ZC3H4: variants seen among roughly 807,000 people sequenced by gnomAD.
ZC3H4 encodes zinc finger CCCH domain-containing protein 4.
Under a neutral mutation model 108.3 loss-of-function variants are expected in ZC3H4, and 13 were observed. That is an observed-to-expected ratio of 0.12 (90% CI 0.08 to 0.19). The LOEUF (loss-of-function observed/expected upper bound fraction) is 0.19, where lower values mean the gene tolerates loss of function less well. Ranked by LOEUF, ZC3H4 falls within the 10% of genes least tolerant of loss-of-function variation. The pLI, the probability that ZC3H4 is intolerant of heterozygous loss-of-function variation, is 1.00. For missense variants in ZC3H4, 1,734 were observed against 1,838.8 expected (o/e 0.94, Z 1.04); for synonymous variants, 917 against 749.6 (o/e 1.22, Z -3.65).
At chr19:47,091,396 C>A (rs1272898321) in intron 4 of ZC3H4, among the ~76,000 whole-genome samples, 4 of 151,728 alleles carry the variant, frequency 2.6e-5, no homozygotes, top group Non-Finnish European at 4.4e-5. Context: ...CATGGTGAAA[C>A]CCAGTCTCTA....
chr19:47,066,304 C>A lies in ZC3H4; in HGVS notation c.*52G>T. ...CCCAAGTTCCCTACCCTGGGTGCTG[C>A]CCTGAATGCCACCCTAGGAAGGGTG... On this transcript the variant is annotated 3_prime_UTR_variant, in exon 15 of 15. Coordinates refer to ENST00000253048, the MANE Select transcript of ZC3H4 (RefSeq NM_015168.2). 2 of 1,437,418 alleles carry A rather than the reference C, an allele frequency of 1.4e-6. No homozygotes were observed. The highest frequency in any genetic ancestry group is 5.0e-5 in the East Asian group (2 of 39,704). The allele number at this position is 1,437,418 out of a possible 1,614,324, so 89.0% of individuals were successfully genotyped here.
At chr19:47,099,908 G>C (rs1600101265) in intron 2 of ZC3H4, among the ~76,000 whole-genome samples, 1 of 151,092 alleles carries the variant, frequency 6.6e-6, no homozygotes, top group Admixed American at 6.6e-5. Context: ...AAGATCATGA[G>C]AGCCCTTGAT....
chr19:47,096,340 C>T (rs1329272618), intron 2 of ZC3H4, among the ~76,000 whole-genome samples: 1 of 152,194 alleles, frequency 6.6e-6, no homozygotes, highest in South Asian at 2.1e-4. Flanking sequence ...TGGAATGGGG[C>T]GGGGGTGCAG....
At chr19:47,097,336 C>T (rs17716478) in intron 2 of ZC3H4, among the ~76,000 whole-genome samples, 7,989 of 152,240 alleles carry the variant, frequency 0.052, 278 homozygotes, top group Non-Finnish European at 0.077. Context: ...AAACTGCTGA[C>T]GGTTGATAAA....
chr19:47,098,639 C>T (rs1317508160), intron 2 of ZC3H4, among the ~76,000 whole-genome samples: 1 of 152,110 alleles, frequency 6.6e-6, no homozygotes, highest in African/African-American at 2.4e-5. Context: ...TGGTGGGTGC[C>T]TGTAGCCCCA....
chr19:47,102,114 G>T (rs567458721), intron 2 of ZC3H4, among the ~76,000 whole-genome samples: 1 of 152,318 alleles, frequency 6.6e-6, no homozygotes, highest in African/African-American at 2.4e-5. Context: ...TCCCCAAGCA[G>T]TTATTTAATA....
At chr19:47,085,621 G>T (rs2057606094) in intron 6 of ZC3H4, among the ~76,000 whole-genome samples, 1 of 152,160 alleles carries the variant, frequency 6.6e-6, no homozygotes, top group Admixed American at 6.5e-5. Context: ...GGCAAACCCA[G>T]CATGGAGCCT....
intron 11 of ZC3H4, among the ~76,000 whole-genome samples, chr19:47,076,345 A>T (rs1278504614): frequency 5.6e-5 from 8 of 142,416 alleles, no homozygotes; most frequent in South Asian, 2.2e-4. Context: ...ACACACACAC[A>T]CTCACACTCT....
intron 2 of ZC3H4, chr19:47,097,036 G>C: frequency 1.0e-6 from 1 of 976,248 alleles, no homozygotes; most frequent in Non-Finnish European, 1.2e-6. Flanking sequence ...AACACCTGCG[G>C]GCAGAGGACA....
chr19:47,078,370 G>C (rs2057459360), intron 11 of ZC3H4, among the ~76,000 whole-genome samples: 2 of 151,804 alleles, frequency 1.3e-5, no homozygotes. Flanking sequence ...TGTAATCCCG[G>C]CACTTTGGGA....
At chr19:47,082,438 G>C in intron 9 of ZC3H4, 143 bp from the exon 10 acceptor site, 1 of 658,518 alleles carries the variant, frequency 1.5e-6, no homozygotes, top group South Asian at 1.8e-5. Context: ...AAGGAAGACA[G>C]GTGTAGGAAG....
intron 9 of ZC3H4, 113 bp downstream of exon 9, chr19:47,084,232 G>C (rs1439028160): frequency 2.1e-6 from 2 of 972,580 alleles, no homozygotes; most frequent in Non-Finnish European, 3.2e-6. Context: ...CAAGGACAAG[G>C]ACTACACAGT....
intron 11 of ZC3H4, among the ~76,000 whole-genome samples, chr19:47,074,410 G>A (rs1450315357): frequency 6.6e-6 from 1 of 152,192 alleles, no homozygotes; most frequent in Non-Finnish European, 1.5e-5. Context: ...CAGGGCAGAC[G>A]CCCAGTGAGT....
In ZC3H4 at chr19:47,067,118, G is replaced by A; in HGVS notation, c.3150C>T (p.Leu1050=). 1 of 1,611,942 alleles carries A rather than the reference G, an allele frequency of 6.2e-7. No homozygotes were observed. Among genetic ancestry groups the A allele is most frequent in the Non-Finnish European group, 8.5e-7 (1 of 1,178,956 alleles). ...AGGAGCCGGTGGCATTGACTGTCTTGAGGATGCGAGACAGAAGTTCAAAGT... is the reference window on the plus strand; with the variant it reads ...AGGAGCCGGTGGCATTGACTGTCTTAAGGATGCGAGACAGAAGTTCAAAGT... ...LPDFELLSRI[L]KTVNATGSSA... The change falls in exon 15 of 15, where the codon CTC becomes CTT. Residue 1050 remains leucine, a synonymous_variant. Coordinates refer to ENST00000253048, the MANE Select transcript of ZC3H4 (RefSeq NM_015168.2). The surrounding 1 kb of genome is among the most constrained non-coding windows in gnomAD (Gnocchi z 6.4).
At position 47,066,849 on chromosome 19, in the gene ZC3H4, C is replaced by G. The variant is rs1036202111; in HGVS notation, c.3419G>C (p.Ser1140Thr). Residue 1140 changes from serine to threonine, a missense_variant, in exon 15 of 15, where the codon AGC becomes ACC. Ser to Thr is a moderately conservative substitution (Grantham distance 58). This residue lies in a region of ZC3H4 where 518 missense variants were observed against 499.6 expected (regional missense o/e 1.04). Transcript: ENST00000253048. Reference protein sequence around the residue: ...GLGQGGGGGQSSVLSGISLYD... With the variant: ...GLGQGGGGGQTSVLSGISLYD... ...GAGGCTGATACCGCTCAGCACACTG[C>G]TCTGCCCGCCCCCTCCGCCCTGGCC... 5.6e-6 allele frequency: 9 copies of G among 1,599,126 alleles called. No individual in the cohort carries two copies. Among genetic ancestry groups the G allele is most frequent in the Non-Finnish European group, 6.8e-6 (8 of 1,179,286 alleles).
chr19:47,068,647 C>T (rs1457836097), intron 14 of ZC3H4, among the ~76,000 whole-genome samples: 1 of 152,204 alleles, frequency 6.6e-6, no homozygotes, highest in Non-Finnish European at 1.5e-5. Context: ...CCAAAGTGGA[C>T]ACCACTAAGT....
Position 47,094,524 on chromosome 19 carries a change from G to C in ZC3H4, c.246C>G (p.Ser82Arg), listed in dbSNP as rs1265550179. ...TQDTSGGPER[S>R]RKEKGEKHHS... is the part of the protein sequence containing the mutation. The stretch of plus-strand genomic sequence containing the variant: ...GATGCTTCTCCCCCTTTTCTTTCCG[G>C]CTTCTCTCAGGCCCTCCGGAGGTAT... Residue 82 changes from serine to arginine, a missense_variant, in exon 3 of 15, where the codon AGC (serine) becomes AGG (arginine). Around this residue, in one of 9 missense-constraint regions of ZC3H4, gnomAD observed 403 missense variants for 457.0 expected, o/e 0.88. Transcript: ENST00000253048. The C allele has an allele frequency of 1.2e-6, 2 of 1,614,040 alleles. No homozygotes were observed. The highest frequency in any genetic ancestry group is 4.5e-5 in the East Asian group (2 of 44,886).
intron 5 of ZC3H4, among the ~76,000 whole-genome samples, chr19:47,088,575 C>A (rs1484932806): frequency 1.3e-5 from 2 of 151,912 alleles, no homozygotes; most frequent in African/African-American, 2.4e-5. Flanking sequence ...TGCTTCAACC[C>A]AGGAGGCACA....
Position 47,086,449 on chromosome 19 carries a change from C to A in ZC3H4, c.805G>T (p.Gly269Cys), listed in dbSNP as rs181854564. ...TGGTCTCCTCCCATAGAGCCTCTGC[C>A]CCTGCCTCGGCTGCCCCTGCCCATG... ...RGMGRGSRGR[G>C]RGSMGGDHPE... Residue 269 changes from glycine to cysteine, a missense_variant, in exon 6 of 15, where the codon GGC (glycine) becomes TGC (cysteine). Transcript: ENST00000253048. 1 of 1,612,882 alleles carries A rather than the reference C, an allele frequency of 6.2e-7. No homozygotes were observed. The highest frequency in any genetic ancestry group is 1.1e-5 in the South Asian group (1 of 90,992).
Sources: allele counts gnomAD v4.1 joint callset (sites outside exome capture counted in the v4.1 genomes callset), GRCh38; gene constraint gnomAD v4.1.1; regional missense constraint gnomAD v4.1.1; non-coding constraint Gnocchi (gnomAD v3.1); transcripts MANE v1.5; gene names NCBI Gene and HGNC (gene_info 2026-07-23, HGNC 2026-07-21).